PKD1L1: variants seen among roughly 807,000 people sequenced by gnomAD.
The protein encoded by PKD1L1 is polycystin-1-like protein 1.
Under a neutral mutation model 323.4 loss-of-function variants are expected in PKD1L1, and 236 were observed. That is an observed-to-expected ratio of 0.73 (90% CI 0.66 to 0.81). The LOEUF (loss-of-function observed/expected upper bound fraction) is 0.81, where lower values mean the gene tolerates loss of function less well. Among genes scored for constraint, PKD1L1 ranks in the 40% least tolerant of loss-of-function variants. The pLI is 0.00. For synonymous variants in PKD1L1, 1,344 were observed against 1,335.0 expected (o/e 1.01, Z -0.15); for missense variants, 3,320 against 3,508.0 (o/e 0.95, Z 1.35).
intron 45 of PKD1L1, among the ~76,000 whole-genome samples, chr7:47,823,893 A>G (rs1785194736): frequency 6.6e-6 from 1 of 152,234 alleles, no homozygotes; most frequent in South Asian, 2.1e-4. Context: ...ACCAACATTG[A>G]TCAATTACAT....
intron 56 of PKD1L1, among the ~76,000 whole-genome samples, chr7:47,780,556 C>T (rs183906742): frequency 4.0e-5 from 6 of 151,792 alleles, no homozygotes; most frequent in Non-Finnish European, 7.4e-5. Flanking sequence ...CACGTGAACC[C>T]GGGAGGTGGA....
chr7:47,937,253 TGGGGGTG>T (rs1217936729), intron 3 of PKD1L1, among the ~76,000 whole-genome samples: 44 of 2,480 alleles, frequency 0.018, no homozygotes, highest in African/African-American at 0.049. Flanking sequence ...CGGGACGGGG[TGGGGGTG>T]GGGGGGGGGG....
At chr7:47,777,985 C>T (rs1390917837) in intron 56 of PKD1L1, among the ~76,000 whole-genome samples, 5 of 152,170 alleles carry the variant, frequency 3.3e-5, no homozygotes, top group African/African-American at 1.2e-4. Flanking sequence ...GGGGCCTGGA[C>T]AAAGCTTGGG....
chr7:47,783,477 G>A (rs577258266), intron 56 of PKD1L1, among the ~76,000 whole-genome samples: 1 of 152,308 alleles, frequency 6.6e-6, no homozygotes, highest in South Asian at 2.1e-4. Flanking sequence ...TTGCTTAAAT[G>A]TATTTGTTTT....
At chr7:47,821,010 A>C (rs1785128206) in intron 46 of PKD1L1, 66 bp downstream of exon 46, 2 of 894,722 alleles carry the variant, frequency 2.2e-6, no homozygotes, top group African/African-American at 3.3e-5. Context: ...AACATGGGGA[A>C]GGTGCACACA....
rs140159568 is a variant in PKD1L1, at chr7:47,857,054, C to T, written c.4590+551G>A. On this transcript the variant is annotated intron_variant, in intron 28 of 56. Transcript: ENST00000289672. ...TCCCTGACTTCCCCATCCTCACATC[C>T]CCCTTTCACTGTGGTCCCCTGTTCC... is the stretch of plus-strand genomic sequence containing the variant. Among the ~76,000 whole-genome samples, 241 of 152,312 alleles carry T rather than the reference C, an allele frequency of 1.6e-3. 2 individuals are homozygous for T. Among genetic ancestry groups the T allele is most frequent in the African/African-American group, 5.6e-3 (234 of 41,566 alleles).
chr7:47,808,408 G>A, intron 51 of PKD1L1, 21 bp from the exon 52 acceptor site: 3 of 1,613,254 alleles, frequency 1.9e-6, no homozygotes, highest in South Asian at 1.1e-5. Flanking sequence ...CAAGAGAAAG[G>A]CCCTCAGATG....
chr7:47,833,964 T>A (rs117344136), intron 40 of PKD1L1, among the ~76,000 whole-genome samples: 2,606 of 152,292 alleles, frequency 0.017, 35 homozygotes, highest in South Asian at 0.033. Flanking sequence ...CACTGAGCAA[T>A]CACCCCGAGC....
At chr7:47,825,015 T>C (rs1356607629) in intron 45 of PKD1L1, among the ~76,000 whole-genome samples, 1 of 152,226 alleles carries the variant, frequency 6.6e-6, no homozygotes, top group African/African-American at 2.4e-5. Context: ...AGACTTCAAA[T>C]TTCCCCCATA....
chr7:47,821,104 T>C lies in PKD1L1; in HGVS notation c.6937A>G (p.Asn2313Asp), dbSNP rs1037345593. Residue 2313 changes from asparagine (N) to aspartate (D), a missense_variant, in exon 46 of 57, where the codon AAT (asparagine) becomes GAT (aspartate). Asn to Asp is a conservative substitution (Grantham distance 23). Coordinates refer to ENST00000289672, the MANE Select transcript of PKD1L1 (RefSeq NM_138295.5). Reference protein sequence around the residue: ...GRFSQDEYSLNQAIRKEFTRN... With the variant: ...GRFSQDEYSLDQAIRKEFTRN... ...GTAAATTCTTTCCGGATAGCTTGAT[T>C]GAGGGAGTATTCATCTTGGGAAAAT... 3 of 1,602,370 alleles carry C rather than the reference T, an allele frequency of 1.9e-6. No individual in the cohort carries two copies. The highest frequency in any genetic ancestry group is 1.7e-6 in the Non-Finnish European group (2 of 1,169,280).
chr7:47,775,289 C>T, intron 56 of PKD1L1, 123 bp from the exon 57 acceptor site: 1 of 1,027,880 alleles, frequency 9.7e-7, no homozygotes, highest in Admixed American at 2.6e-5. Context: ...CTAACTTGAC[C>T]AAGGTGACAT....
intron 14 of PKD1L1, among the ~76,000 whole-genome samples, chr7:47,897,016 T>C (rs1351336514): frequency 6.6e-6 from 1 of 152,242 alleles, no homozygotes; most frequent in Non-Finnish European, 1.5e-5. Context: ...TCTGAAGTAA[T>C]GCTATGCTAA....
At chr7:47,872,204 C>T (rs1360092752) in intron 24 of PKD1L1, among the ~76,000 whole-genome samples, 5 of 152,130 alleles carry the variant, frequency 3.3e-5, no homozygotes, top group Admixed American at 2.0e-4. Context: ...CCCAGTCTGC[C>T]CCAGCCAGAG....
chr7:47,954,575 C>T, the PKD1L1 span, among the ~76,000 whole-genome samples: 1 of 151,290 alleles, frequency 6.6e-6, no homozygotes, highest in Non-Finnish European at 1.5e-5. Context: ...CCTTACCTTA[C>T]TTTGGACACC....
intron 52 of PKD1L1, 120 bp from the exon 53 acceptor site, chr7:47,803,464 A>G (rs1784710829): frequency 8.6e-7 from 1 of 1,165,590 alleles, no homozygotes; most frequent in South Asian, 1.5e-5. Context: ...ATATAGACCC[A>G]TGAGTCTCCG....
intron 7 of PKD1L1, among the ~76,000 whole-genome samples, 157 bp downstream of exon 7, chr7:47,929,047 G>A (rs561083252): frequency 2.9e-4 from 44 of 152,280 alleles, no homozygotes; most frequent in Non-Finnish European, 3.5e-4. Context: ...ACCTACGTCC[G>A]CAGTGTGCCA....
chr7:47,800,620 A>G, intron 54 of PKD1L1, 29 bp downstream of exon 54: 1 of 1,602,974 alleles, frequency 6.2e-7, no homozygotes, highest in Non-Finnish European at 8.5e-7. Flanking sequence ...ACAAACCATA[A>G]CTTGAAAGTT....
At position 47,840,534 on chromosome 7, in the gene PKD1L1, A is replaced by C; in HGVS notation, c.5479T>G (p.Ser1827Ala). The C allele has an allele frequency of 1.2e-6, 2 of 1,614,172 alleles. No individual in the cohort carries two copies. Among genetic ancestry groups the C allele is most frequent in the Non-Finnish European group, 1.7e-6 (2 of 1,180,006 alleles). Residue 1827 changes from serine (S) to alanine (A), a missense_variant, in exon 35 of 57, where the codon TCA becomes GCA. By Grantham distance (99) the Ser-to-Ala change is moderately conservative. Transcript: ENST00000289672. The surrounding 1 kb of genome is among the most constrained non-coding windows in gnomAD (Gnocchi z 4.1). ...GGACAGGAGAGCTCCTTGGTTTCTG[A>C]CAGTCCATTGTCGCCACATAAAACA... ...YIVLCGDNGL[S>A]ETKELSCPEK...
intron 30 of PKD1L1, 93 bp from the exon 31 acceptor site, chr7:47,853,320 G>A (rs1785822381): frequency 2.2e-6 from 2 of 924,128 alleles, no homozygotes; most frequent in South Asian, 2.9e-5. Context: ...CTCAATTTGT[G>A]CAAAACATCC....
Sources: gnomAD v4.1 joint callset for allele counts (sites outside exome capture counted in the v4.1 genomes callset) on GRCh38, gnomAD v4.1.1 for gene constraint, Gnocchi (gnomAD v3.1) non-coding constraint, MANE v1.5 for transcripts, NCBI Gene and HGNC (gene_info 2026-07-23, HGNC 2026-07-21) for gene names.